The following SLC13A4 variants were observed in gnomAD, a reference collection of about 807,000 sequenced individuals.
SLC13A4 encodes Na(+)/sulfate cotransporter SUT-1.
SLC13A4 carries 28 observed loss-of-function variants against 72.7 expected under a neutral mutation model. The ratio of observed to expected loss-of-function variants is 0.39; its 90% CI spans 0.29 to 0.53. The LOEUF (loss-of-function observed/expected upper bound fraction) is 0.53. SLC13A4 is among the 20% of genes least tolerant of loss of function. SLC13A4 has a pLI of 0.78. For synonymous variants in SLC13A4, 312 were observed against 325.5 expected, an observed-to-expected ratio of 0.96 and a Z score of 0.45; for missense variants, 653 against 788.0, an observed-to-expected ratio of 0.83 and a Z score of 2.05.
Position 135,727,950 on chromosome 7 carries a change from C to T in SLC13A4, c.-454G>A, listed in dbSNP as rs1796704020. 6.5e-6 allele frequency: 1 copy of T among 153,266 alleles called. No homozygotes were observed. Among genetic ancestry groups the T allele is most frequent in the Non-Finnish European group, 1.5e-5 (1 of 68,806 alleles). 9.5% of individuals were successfully genotyped at this position (153,266 alleles called of 1,614,324 possible). On this transcript the variant is annotated 5_prime_UTR_variant, in exon 1 of 16. Coordinates refer to ENST00000682651, the MANE Select transcript of SLC13A4 (RefSeq NM_001318192.2). Reference sequence around the variant, plus strand: ...TTGTGCTCTCCATCAGTTTTCCTCCCTCGGATGACCTATTTTGGGGAGTAC... The same window carrying T: ...TTGTGCTCTCCATCAGTTTTCCTCCTTCGGATGACCTATTTTGGGGAGTAC...
At chr7:135,723,426 A>T (rs1796586887) in intron 1 of SLC13A4, among the ~76,000 whole-genome samples, 1 of 152,164 alleles carries the variant, frequency 6.6e-6, no homozygotes, top group African/African-American at 2.4e-5. Context: ...AAGACAGGTT[A>T]CCGCCTTACT....
intron 7 of SLC13A4, among the ~76,000 whole-genome samples, chr7:135,700,218 A>G (rs1276746063): frequency 6.6e-6 from 1 of 151,950 alleles, no homozygotes; most frequent in Non-Finnish European, 1.5e-5. Flanking sequence ...CCCCTTGCAG[A>G]TAAACTTCAG....
At chr7:135,697,942 C>T (rs1350918438) in intron 8 of SLC13A4, among the ~76,000 whole-genome samples, 1 of 152,250 alleles carries the variant, frequency 6.6e-6, no homozygotes, top group Non-Finnish European at 1.5e-5. Context: ...GCTCTCCCAG[C>T]AGGGCTCTCC....
At chr7:135,699,870 G>A (rs74646792) in intron 7 of SLC13A4, among the ~76,000 whole-genome samples, 1,790 of 152,264 alleles carry the variant, frequency 0.012, 9 homozygotes, top group Non-Finnish European at 0.02. Flanking sequence ...ATTATTGACA[G>A]CATGGGTTTT....
At chr7:135,683,811 G>A (rs1237124513) in intron 15 of SLC13A4, 1 of 984,008 alleles carries the variant, frequency 1.0e-6, no homozygotes, top group Admixed American at 6.2e-5. Flanking sequence ...GCCTAATGAA[G>A]AAACGAAGGC....
At chr7:135,709,894 T>C (rs3110804) in intron 2 of SLC13A4, among the ~76,000 whole-genome samples, 93,436 of 152,074 alleles carry the variant, frequency 0.61, 28,942 homozygotes, top group East Asian at 0.87. Flanking sequence ...GTACTGTTGT[T>C]TGTTTATTTT....
In SLC13A4 at chr7:135,699,420, G is replaced by A; in HGVS notation, c.843C>T (p.Gly281=). The A allele has an allele frequency of 6.2e-7, 1 of 1,613,336 alleles. No individual in the cohort carries two copies. The highest frequency in any genetic ancestry group is 1.7e-5 in the Admixed American group (1 of 59,926). Residue 281 remains glycine (G), a synonymous_variant, in exon 8 of 16, where the codon GGC becomes GGT. Coordinates refer to ENST00000682651, the MANE Select transcript of SLC13A4 (RefSeq NM_001318192.2). ...LSISYSATIG[G]LTTIIGTSTS... ...TGGAGGTGCCGATGATGGTGGTCAGGCCGCCAATGGTAGCGGAGTAGGATA... is the reference window on the plus strand; with the variant it reads ...TGGAGGTGCCGATGATGGTGGTCAGACCGCCAATGGTAGCGGAGTAGGATA...
intron 8 of SLC13A4, among the ~76,000 whole-genome samples, chr7:135,696,714 T>C (rs915257667): frequency 1.7e-4 from 26 of 152,122 alleles, no homozygotes; most frequent in African/African-American, 6.0e-4. Context: ...CTCTCCATTT[T>C]CTCACCTCTA....
intron 2 of SLC13A4, among the ~76,000 whole-genome samples, chr7:135,719,184 C>A (rs1252129033): frequency 6.6e-6 from 1 of 152,206 alleles, no homozygotes; most frequent in Non-Finnish European, 1.5e-5. Context: ...CCCTCCCAAG[C>A]GACTGCCTCT....
intron 2 of SLC13A4, among the ~76,000 whole-genome samples, chr7:135,712,461 TAA>T (rs539587817): frequency 1.7e-4 from 21 of 122,900 alleles, no homozygotes; most frequent in Admixed American, 3.3e-4. Flanking sequence ...TTTTCTCATC[TAA>T]AAAAAAAAAA....
At chr7:135,721,288 A>G in intron 2 of SLC13A4, 107 bp downstream of exon 2, 1 of 1,356,314 alleles carries the variant, frequency 7.4e-7, no homozygotes, top group Non-Finnish European at 1.0e-6. Flanking sequence ...AGTGGGTGAC[A>G]AGGCCCCCTC....
chr7:135,722,038 T>A (rs1796560178), intron 1 of SLC13A4, among the ~76,000 whole-genome samples: 1 of 152,094 alleles, frequency 6.6e-6, no homozygotes, highest in Non-Finnish European at 1.5e-5. Flanking sequence ...CCCAGGAGTT[T>A]GAGACCAGCC....
rs1940113667 is a variant in SLC13A4, at chr7:135,727,792, T to A, written c.-296A>T. 1 of 379,366 alleles carries A rather than the reference T, an allele frequency of 2.6e-6. No homozygotes were observed. The highest frequency in any genetic ancestry group is 4.7e-6 in the Non-Finnish European group (1 of 210,670). 23.5% of individuals were successfully genotyped at this position (379,366 alleles called of 1,614,324 possible). On this transcript the variant is annotated 5_prime_UTR_variant, in exon 1 of 16. The change abolishes the stop of an existing upstream ORF in the 5' untranslated region. Coordinates refer to ENST00000682651, the MANE Select transcript of SLC13A4 (RefSeq NM_001318192.2). ...ATAGTGGGCCTCCTCTCGGCTTGAT[T>A]AGTAATAGAGTAACTTCATTCTAGG...
Position 135,702,884 on chromosome 7 carries a change from G to A in SLC13A4, c.594C>T (p.Asp198=), listed in dbSNP as rs773596868. The A allele has an allele frequency of 1.9e-6, 3 of 1,613,040 alleles. No homozygotes were observed. The Admixed American group carries it at 5.0e-5, about 27-fold the overall frequency. ...GAGTGGTGAGGTCTGCGTTGGACCT[G>A]CTGGAACCAAGCAGAGGACACAGGA... The part of the protein sequence containing the change: ...PSLELIFVNE[D]RSNADLTTLM... The change falls in exon 6 of 16, where the codon GAC becomes GAT. Residue 198 remains aspartate (D), a splice_region_variant and synonymous_variant. Coordinates refer to ENST00000682651, the MANE Select transcript of SLC13A4 (RefSeq NM_001318192.2).
intron 2 of SLC13A4, among the ~76,000 whole-genome samples, chr7:135,712,000 T>C (rs71539432): frequency 8.7e-5 from 9 of 103,774 alleles, no homozygotes; most frequent in East Asian, 3.3e-4. Flanking sequence ...TTTTTTTTTT[T>C]AGTAGGTACG....
At chr7:135,719,444 C>T (rs1796495944) in intron 2 of SLC13A4, among the ~76,000 whole-genome samples, 1 of 151,926 alleles carries the variant, frequency 6.6e-6, no homozygotes, top group African/African-American at 2.4e-5. Flanking sequence ...TTTTTTTCCT[C>T]TACCCTCCAC....
At position 135,727,718 on chromosome 7, in the gene SLC13A4, C is replaced by T. The variant is rs2129495732; in HGVS notation, c.-222G>A. 4 of 491,574 alleles carry T rather than the reference C, an allele frequency of 8.1e-6. No individual in the cohort carries two copies. Among genetic ancestry groups the T allele is most frequent in the East Asian group, 6.4e-5 (2 of 31,322 alleles). 30.5% of individuals were successfully genotyped at this position (491,574 alleles called of 1,614,324 possible). ...TGCTTTAGGTGGGATTGATGAGCAT[C>T]GTTTTGTGACCAGCAAAAAGGAACT... On this transcript the variant is annotated 5_prime_UTR_variant, in exon 1 of 16. Transcript: ENST00000682651.
At chr7:135,701,856 C>A (rs1584727386) in intron 6 of SLC13A4, 96 bp from the exon 7 acceptor site, 1 of 1,207,526 alleles carries the variant, frequency 8.3e-7, no homozygotes, top group East Asian at 2.4e-5. Flanking sequence ...CCACCCCATG[C>A]CTCAGCACTG....
chr7:135,690,180 CAAAAAAAAAAAA>C lies in SLC13A4; in HGVS notation c.1446+1009_1446+1020del, dbSNP rs57390577. Among the ~76,000 whole-genome samples the C allele has an allele frequency of 1.8e-3, 52 of 29,634 alleles. No individual in the cohort carries two copies. In the East Asian group the frequency reaches 0.026, roughly 15 times the overall value. The allele number at this position is 29,634 out of a possible 152,430, so 19.4% of individuals were successfully genotyped here. On this transcript the variant is annotated intron_variant, in intron 13 of 15. Transcript: ENST00000682651. ...TAGGTGACAGAGTGAGACTCTGTCT[CAAAAAAAAAAAA>C]AAAAAAAAAAAAAAAGAGAACCAAG...
Sources: gnomAD v4.1 joint callset for allele counts (sites outside exome capture counted in the v4.1 genomes callset) on GRCh38, gnomAD v4.1.1 for gene constraint, MANE v1.5 for transcripts, NCBI Gene and HGNC (gene_info 2026-07-23, HGNC 2026-07-21) for gene names.